IL1RAPL2: variants seen among roughly 807,000 people sequenced by gnomAD.
IL1RAPL2 encodes interleukin 1 receptor accessory protein like 2.
A neutral mutation model predicts 44.1 loss-of-function variants in IL1RAPL2; 3 were observed. That is an observed-to-expected ratio of 0.07 (90% CI 0.03 to 0.18). The LOEUF (loss-of-function observed/expected upper bound fraction) is 0.18. Ranked by LOEUF, IL1RAPL2 falls within the 10% of genes least tolerant of loss-of-function variation. IL1RAPL2 has a pLI of 1.00. For synonymous variants in IL1RAPL2, 181 were observed against 178.8 expected, an observed-to-expected ratio of 1.01 and a Z score of -0.10; for missense variants, 391 against 496.4, an observed-to-expected ratio of 0.79 and a Z score of 2.02.
intron 5 of IL1RAPL2, among the ~76,000 whole-genome samples, chrX:105,409,303 C>A (rs2076436316): frequency 9.1e-6 from 1 of 110,341 alleles, no homozygotes; most frequent in Non-Finnish European, 1.9e-5. Context: ...GATAAATTAC[C>A]ATTGCCATGA....
At chrX:105,738,495 G>A (rs1289593314) in intron 7 of IL1RAPL2, among the ~76,000 whole-genome samples, 1 of 110,790 alleles carries the variant, frequency 9.0e-6, no homozygotes, top group Non-Finnish European at 1.9e-5. Flanking sequence ...TTTATAACCA[G>A]GTGTCCAAAA....
chrX:104,647,391 C>G, intron 1 of IL1RAPL2: 3 of 553,665 alleles, frequency 5.4e-6, no homozygotes, highest in Non-Finnish European at 3.2e-6. Context: ...TTCTGCTGCT[C>G]AGCCTTTTCC....
intron 6 of IL1RAPL2, among the ~76,000 whole-genome samples, chrX:105,640,482 A>G (rs978472415): frequency 5.6e-5 from 6 of 107,703 alleles, no homozygotes; most frequent in Non-Finnish European, 1.2e-4. Context: ...ATCCTCTAGG[A>G]CAGAGTTTTG....
In IL1RAPL2 at chrX:105,767,392, T is replaced by A; in HGVS notation, c.1792T>A (p.Ser598Thr). ...GACCAGTACTTCAGCCACTCTGGTG[T>A]CATCTCAGGCTGATCTCCCTGAATT... ...AMTSTSATLV[S>T]SQADLPEFHP... Residue 598 changes from serine to threonine, a missense_variant, in exon 11 of 11, where the codon TCA becomes ACA. Physicochemically the swap from Ser to Thr is moderately conservative, Grantham distance 58. Transcript: ENST00000372582. The A allele has an allele frequency of 5.8e-6, 7 of 1,211,350 alleles. No homozygotes were observed. Among genetic ancestry groups the A allele is most frequent in the Non-Finnish European group, 6.7e-6 (6 of 895,115 alleles).
chrX:104,761,342 T>C (rs1365317717), intron 2 of IL1RAPL2, among the ~76,000 whole-genome samples: 2 of 110,457 alleles, frequency 1.8e-5, no homozygotes, highest in Admixed American at 9.6e-5. Flanking sequence ...TCAGAAGAAC[T>C]CATTCACTAT....
Position 104,676,940 on chromosome X carries a change from T to G in IL1RAPL2, c.82+17945T>G, listed in dbSNP as rs1366621736. On this transcript the variant is annotated intron_variant, in intron 2 of 10. Coordinates refer to ENST00000372582, the MANE Select transcript of IL1RAPL2 (RefSeq NM_017416.2). ...TTCACGTAGTTCTCGAGCCTTGGTT[T>G]TCAGCTCCATCAGCTCCTTTAAGCA... Among the ~76,000 whole-genome samples the G allele has an allele frequency of 1.2e-4, 14 of 112,117 alleles. No homozygotes were observed. In the Admixed American group the frequency reaches 1.3e-3, roughly 11 times the overall value.
At chrX:105,572,469 A>G (rs1307324774) in intron 6 of IL1RAPL2, among the ~76,000 whole-genome samples, 6 of 112,112 alleles carry the variant, frequency 5.4e-5, no homozygotes, top group East Asian at 2.8e-4. Context: ...TGACTTTTAT[A>G]TATTATCTTA....
chrX:104,633,273 G>A (rs1217362884), intron 1 of IL1RAPL2, among the ~76,000 whole-genome samples: 1 of 111,558 alleles, frequency 9.0e-6, no homozygotes, highest in Non-Finnish European at 1.9e-5. Context: ...TTGCATCGAT[G>A]TTCATCAGGG....
intron 2 of IL1RAPL2, among the ~76,000 whole-genome samples, chrX:104,766,433 C>T (rs1011990577): frequency 3.6e-5 from 4 of 111,187 alleles, no homozygotes; most frequent in Non-Finnish European, 7.5e-5. Flanking sequence ...CCTCCTTCCT[C>T]CCTCCCTCTC....
intron 6 of IL1RAPL2, among the ~76,000 whole-genome samples, chrX:105,640,422 T>A (rs1208812846): frequency 1.9e-5 from 2 of 107,518 alleles, no homozygotes; most frequent in East Asian, 5.9e-4. Context: ...ACAAATAATG[T>A]TGCAACAGGC....
chrX:105,034,257 T>C (rs1057399534), intron 2 of IL1RAPL2, among the ~76,000 whole-genome samples: 1 of 112,504 alleles, frequency 8.9e-6, no homozygotes, highest in Non-Finnish European at 1.9e-5. Flanking sequence ...CTTTGTTCTG[T>C]TGCTGGTGAG....
intron 2 of IL1RAPL2, among the ~76,000 whole-genome samples, chrX:105,074,439 G>C (rs1187601039): frequency 3.3e-4 from 37 of 111,559 alleles, no homozygotes; most frequent in Non-Finnish European, 6.6e-4. Flanking sequence ...GTTTTGGTTA[G>C]TGTAGCTTGC....
chrX:104,616,403 A>G (rs1380602764), intron 1 of IL1RAPL2, among the ~76,000 whole-genome samples: 1 of 112,223 alleles, frequency 8.9e-6, no homozygotes, highest in African/African-American at 3.2e-5. Flanking sequence ...TTCATAGTTT[A>G]TAGTTTAATA....
intron 2 of IL1RAPL2, among the ~76,000 whole-genome samples, chrX:105,006,353 T>C (rs962736189): frequency 1.8e-5 from 2 of 110,161 alleles, no homozygotes; most frequent in Non-Finnish European, 3.8e-5. Context: ...GGAGGAAACA[T>C]CTCACAAAAA....
chrX:105,211,603 G>A (rs938908571), intron 3 of IL1RAPL2, among the ~76,000 whole-genome samples: 6 of 110,999 alleles, frequency 5.4e-5, no homozygotes, highest in African/African-American at 1.3e-4. Context: ...CAGCTGGTTC[G>A]AACATATTAT....
chrX:105,136,061 C>CGTG (rs999947763), intron 2 of IL1RAPL2, among the ~76,000 whole-genome samples: 16 of 111,735 alleles, frequency 1.4e-4, no homozygotes, highest in African/African-American at 4.9e-4. Context: ...CCCAATAAAG[C>CGTG]GTGGGATGAA....
At chrX:105,384,163 C>T (rs1028219932) in intron 5 of IL1RAPL2, among the ~76,000 whole-genome samples, 1 of 111,493 alleles carries the variant, frequency 9.0e-6, no homozygotes, top group Admixed American at 9.6e-5. Flanking sequence ...TTTTTGAGGT[C>T]TTACTCAGGA....
intron 2 of IL1RAPL2, among the ~76,000 whole-genome samples, chrX:105,026,962 G>A (rs976071223): frequency 9.0e-6 from 1 of 110,796 alleles, no homozygotes; most frequent in Non-Finnish European, 1.9e-5. Context: ...CATGGTACCG[G>A]CATAAACACA....
intron 2 of IL1RAPL2, among the ~76,000 whole-genome samples, chrX:105,012,749 G>A (rs549188954): frequency 9.2e-6 from 1 of 108,896 alleles, no homozygotes; most frequent in Non-Finnish European, 1.9e-5. Flanking sequence ...TTTCAACAAA[G>A]GGTAAGTTAG....
Sources: allele counts gnomAD v4.1 joint callset (sites outside exome capture counted in the v4.1 genomes callset), GRCh38; gene constraint gnomAD v4.1.1; transcripts MANE v1.5; gene names NCBI Gene and HGNC (gene_info 2026-07-23, HGNC 2026-07-21).